The following RORA variants were observed in gnomAD, a reference collection of about 807,000 sequenced individuals.
RORA encodes the protein RAR related orphan receptor A, also known as nuclear receptor ROR-alpha.
RORA carries 7 observed loss-of-function variants against 69.5 expected under a neutral mutation model. The ratio of observed to expected loss-of-function variants is 0.10; its 90% CI spans 0.06 to 0.19. RORA has a LOEUF of 0.19. RORA is among the 10% of genes least tolerant of loss of function. The pLI, the probability that RORA is intolerant of heterozygous loss-of-function variation, is 1.00. For synonymous variants in RORA, 261 were observed against 240.8 expected (o/e 1.08, Z -0.78); for missense variants, 457 against 663.0 (o/e 0.69, Z 3.41).
chr15:61,087,980 A>G (rs1375923023), intron 1 of RORA, among the ~76,000 whole-genome samples: 3 of 152,250 alleles, frequency 2.0e-5, no homozygotes, highest in Admixed American at 2.0e-4. Flanking sequence ...GCCAGCTCCT[A>G]AAGTTCCAGT....
chr15:61,196,549 AG>A (rs1280139460), intron 1 of RORA, among the ~76,000 whole-genome samples: 1 of 152,284 alleles, frequency 6.6e-6, no homozygotes, highest in East Asian at 1.9e-4. Context: ...ATTCTCAGAG[AG>A]TACATGAGGC....
At chr15:61,101,526 G>C (rs1392646810) in intron 1 of RORA, among the ~76,000 whole-genome samples, 5 of 151,968 alleles carry the variant, frequency 3.3e-5, no homozygotes, top group African/African-American at 7.2e-5. Flanking sequence ...CAGCAGGAAG[G>C]GTAAACTGGA....
At chr15:60,887,504 C>G (rs1336936465) in intron 1 of RORA, among the ~76,000 whole-genome samples, 2 of 151,872 alleles carry the variant, frequency 1.3e-5, no homozygotes, top group Non-Finnish European at 2.9e-5. Flanking sequence ...AGCAGAGGAG[C>G]AGGAAAAAAG....
chr15:60,915,719 G>A (rs1378643796), intron 1 of RORA, among the ~76,000 whole-genome samples: 1 of 152,096 alleles, frequency 6.6e-6, no homozygotes, highest in Non-Finnish European at 1.5e-5. Flanking sequence ...AGGAAGCTTC[G>A]GCTTGAAGAA....
chr15:60,576,190 C>T (rs1300531894), intron 2 of RORA, among the ~76,000 whole-genome samples: 1 of 152,236 alleles, frequency 6.6e-6, no homozygotes, highest in African/African-American at 2.4e-5. Flanking sequence ...TCTGTTTATA[C>T]AGTGAGTATG....
At chr15:61,053,664 G>T (rs909082488) in intron 1 of RORA, among the ~76,000 whole-genome samples, 3 of 151,622 alleles carry the variant, frequency 2.0e-5, no homozygotes, top group Admixed American at 6.6e-5. Context: ...CTGGGTATGC[G>T]GTCTTTGAGA....
intron 1 of RORA, among the ~76,000 whole-genome samples, chr15:60,897,575 A>T (rs1026290840): frequency 6.6e-6 from 1 of 152,230 alleles, no homozygotes; most frequent in African/African-American, 2.4e-5. Context: ...CTCAGGGATG[A>T]ACCCATGTTT....
intron 1 of RORA, among the ~76,000 whole-genome samples, chr15:61,170,575 A>C (rs1289881477): frequency 6.6e-6 from 1 of 152,186 alleles, no homozygotes; most frequent in African/African-American, 2.4e-5. Flanking sequence ...GCCAGGCTCT[A>C]GGGATTGGGG....
chr15:60,508,865 G>A (rs1241960716), intron 5 of RORA, among the ~76,000 whole-genome samples: 1 of 152,112 alleles, frequency 6.6e-6, no homozygotes, highest in African/African-American at 2.4e-5. Context: ...TAAAACCTAG[G>A]TCGTTTATCT....
chr15:60,786,126 CT>C (rs771202062), intron 1 of RORA, among the ~76,000 whole-genome samples: 35 of 152,358 alleles, frequency 2.3e-4, no homozygotes, highest in Admixed American at 9.1e-4. Context: ...GCTTCATCAG[CT>C]GTAGATGTCA....
chr15:60,864,617 G>A (rs891630240), intron 1 of RORA, among the ~76,000 whole-genome samples: 4 of 152,086 alleles, frequency 2.6e-5, no homozygotes, highest in African/African-American at 9.7e-5. Flanking sequence ...AAACGGAAAT[G>A]AGTTCTGCAA....
At chr15:60,621,265 T>A (rs995523094) in intron 2 of RORA, among the ~76,000 whole-genome samples, 2 of 152,114 alleles carry the variant, frequency 1.3e-5, no homozygotes, top group African/African-American at 4.8e-5. Context: ...GAGGCTTCCA[T>A]TTGTCTATTT....
Position 60,717,653 on chromosome 15 carries a change from CT to C in RORA, c.167-38968del, listed in dbSNP as rs1391583585. 5.3e-5 allele frequency among the ~76,000 whole-genome samples: 8 copies of C among 152,208 alleles called. No individual in the cohort carries two copies. The East Asian group carries it at 1.5e-3, about 29-fold the overall frequency. ...TTAACTAACACATTTTACTGAGCCC[CT>C]ATTATGTGCCAGACAATAAATAAAA... On this transcript the variant is annotated intron_variant, in intron 1 of 10. Transcript: ENST00000335670.
At chr15:61,177,666 C>G (rs1406147856) in intron 1 of RORA, among the ~76,000 whole-genome samples, 1 of 151,904 alleles carries the variant, frequency 6.6e-6, no homozygotes, top group Non-Finnish European at 1.5e-5. Flanking sequence ...AGAAAGGAAC[C>G]GGAGGCCGGT....
At chr15:61,126,270 G>A (rs1349742017) in intron 1 of RORA, among the ~76,000 whole-genome samples, 2 of 152,156 alleles carry the variant, frequency 1.3e-5, no homozygotes, top group African/African-American at 4.8e-5. Flanking sequence ...TATGCACAAT[G>A]TGTATACAAC....
At chr15:60,779,215 C>T (rs2072218543) in intron 1 of RORA, among the ~76,000 whole-genome samples, 1 of 152,118 alleles carries the variant, frequency 6.6e-6, no homozygotes, top group South Asian at 2.1e-4. Flanking sequence ...TTAATGAAAA[C>T]CCGTCCTAGG....
intron 1 of RORA, among the ~76,000 whole-genome samples, chr15:61,152,826 T>C (rs1224824353): frequency 6.6e-6 from 1 of 152,164 alleles, no homozygotes; most frequent in Non-Finnish European, 1.5e-5. Context: ...CAAGCACTTG[T>C]AGATAAATAA....
chr15:60,976,973 T>A (rs1241488774), intron 1 of RORA, among the ~76,000 whole-genome samples: 1 of 152,170 alleles, frequency 6.6e-6, no homozygotes, highest in Non-Finnish European at 1.5e-5. Context: ...TGTCCTGGGT[T>A]TCCCAGGACA....
At chr15:60,498,509 C>A (rs928836423) in intron 10 of RORA, among the ~76,000 whole-genome samples, 1 of 152,132 alleles carries the variant, frequency 6.6e-6, no homozygotes, top group Admixed American at 6.5e-5. Flanking sequence ...GGATGGAGGC[C>A]CTAGCATTGA....
Sources: gnomAD v4.1 joint callset for allele counts (sites outside exome capture counted in the v4.1 genomes callset) on GRCh38, gnomAD v4.1.1 for gene constraint, MANE v1.5 for transcripts, NCBI Gene and HGNC (gene_info 2026-07-23, HGNC 2026-07-21) for gene names.